Variants in PRR16 observed in about 807,000 individuals in gnomAD.
The protein encoded by PRR16 is proline rich 16.
A neutral mutation model predicts 18.2 loss-of-function variants in PRR16; 6 were observed. The ratio of observed to expected loss-of-function variants is 0.33; its 90% CI spans 0.18 to 0.65. The LOEUF is 0.65. Ranked by LOEUF, PRR16 falls within the 30% of genes least tolerant of loss-of-function variation. The pLI is 0.74. For missense variants in PRR16, 412 were observed against 376.6 expected, an observed-to-expected ratio of 1.09 and a Z score of -0.78; for synonymous variants, 151 against 147.8, an observed-to-expected ratio of 1.02 and a Z score of -0.16.
intron 1 of PRR16, among the ~76,000 whole-genome samples, chr5:120,530,588 A>C (rs965816614): frequency 6.6e-6 from 1 of 151,906 alleles, no homozygotes; most frequent in Non-Finnish European, 1.5e-5. Flanking sequence ...AATTAGATTA[A>C]GTGTGAGCGA....
intron 1 of PRR16, among the ~76,000 whole-genome samples, chr5:120,501,215 C>G (rs969538420): frequency 5.3e-5 from 8 of 152,144 alleles, no homozygotes; most frequent in African/African-American, 1.7e-4. Flanking sequence ...TTGGGCTTAA[C>G]TCTTTGTAGG....
intron 1 of PRR16, among the ~76,000 whole-genome samples, chr5:120,534,070 G>A (rs1393288592): frequency 6.6e-6 from 1 of 152,146 alleles, no homozygotes; most frequent in Non-Finnish European, 1.5e-5. Context: ...GTTTTAACGG[G>A]TGGAGATTGA....
rs561895781 is a variant in PRR16, at chr5:120,521,472, C to T, written c.159+56827C>T. On this transcript the variant is annotated intron_variant, in intron 1 of 1. Transcript: ENST00000407149. ...GATTAGAACTACAAATTACAGTCTG[C>T]TGATCTTTATGGGGCTCATTTTTTT... Among the ~76,000 whole-genome samples, 5 of 152,082 alleles carry T rather than the reference C, an allele frequency of 3.3e-5. No homozygotes were observed. In the East Asian group the frequency reaches 9.7e-4, roughly 29 times the overall value.
At chr5:120,694,021 C>T in the PRR16 span, among the ~76,000 whole-genome samples, 1 of 152,154 alleles carries the variant, frequency 6.6e-6, no homozygotes, top group African/African-American at 2.4e-5. Flanking sequence ...CTAACAATTT[C>T]GCCTGTATTC....
chr5:120,483,697 A>G (rs116644583), intron 1 of PRR16, among the ~76,000 whole-genome samples: 102 of 152,198 alleles, frequency 6.7e-4, no homozygotes, highest in Non-Finnish European at 1.2e-3. Flanking sequence ...AAATTCACAA[A>G]TATATCATCT....
intron 1 of PRR16, among the ~76,000 whole-genome samples, chr5:120,543,715 C>G (rs78794849): frequency 0.01 from 1,592 of 152,214 alleles, 31 homozygotes; most frequent in African/African-American, 0.037. Context: ...TATGCCTCAG[C>G]AATGATTTTA....
the PRR16 span, among the ~76,000 whole-genome samples, chr5:120,740,104 C>G: frequency 8.5e-4 from 130 of 152,228 alleles, no homozygotes; most frequent in African/African-American, 3.0e-3. Context: ...ATTATTACTT[C>G]TAAAATAATG....
the PRR16 span, among the ~76,000 whole-genome samples, chr5:120,734,341 G>C: frequency 1.5e-4 from 23 of 152,268 alleles, no homozygotes; most frequent in Admixed American, 1.0e-3. Context: ...CTCTCTCTGT[G>C]TGTGTGTGTA....
the PRR16 span, among the ~76,000 whole-genome samples, chr5:120,695,818 A>G: frequency 6.6e-6 from 1 of 152,112 alleles, no homozygotes; most frequent in Admixed American, 6.5e-5. Flanking sequence ...TCCTGGATTT[A>G]TGGCCCAGCC....
At chr5:120,481,288 G>T (rs935598323) in intron 1 of PRR16, 2 of 448,874 alleles carry the variant, frequency 4.5e-6, no homozygotes, top group Admixed American at 2.4e-5. Context: ...GCGCCACTAC[G>T]CCTGGGTAAG....
At chr5:120,635,848 A>G (rs905826467) in intron 1 of PRR16, among the ~76,000 whole-genome samples, 9 of 152,144 alleles carry the variant, frequency 5.9e-5, no homozygotes, top group East Asian at 1.9e-4. Context: ...TGCTGATGGT[A>G]TGACTGTATA....
intron 1 of PRR16, among the ~76,000 whole-genome samples, chr5:120,605,159 T>C (rs935998269): frequency 3.3e-5 from 5 of 152,200 alleles, no homozygotes; most frequent in Admixed American, 6.5e-5. Flanking sequence ...TTGCTTGCTG[T>C]TTCTCCATCT....
chr5:120,753,531 T>G, the PRR16 span, among the ~76,000 whole-genome samples: 1 of 151,740 alleles, frequency 6.6e-6, no homozygotes, highest in Non-Finnish European at 1.5e-5. Flanking sequence ...TGGTGAGTGA[T>G]CTATATCTGT....
intron 1 of PRR16, among the ~76,000 whole-genome samples, chr5:120,563,870 C>G (rs1243439390): frequency 2.0e-5 from 3 of 152,192 alleles, no homozygotes; most frequent in Admixed American, 6.5e-5. Context: ...TGGTTCAACC[C>G]TGAAGTTGGC....
At chr5:120,712,137 G>A in the PRR16 span, among the ~76,000 whole-genome samples, 2 of 152,060 alleles carry the variant, frequency 1.3e-5, no homozygotes, top group Admixed American at 6.5e-5. Flanking sequence ...TTTGGTATAC[G>A]TATACATAGT....
the PRR16 span, among the ~76,000 whole-genome samples, chr5:120,764,532 G>A: frequency 6.6e-6 from 1 of 151,734 alleles, no homozygotes. Flanking sequence ...GTGTGTTCCT[G>A]TCCTTTTCTG....
chr5:120,733,524 A>G, the PRR16 span, among the ~76,000 whole-genome samples: 1 of 152,106 alleles, frequency 6.6e-6, no homozygotes. Context: ...AAGTCCCCAA[A>G]TCCCTATTTG....
chr5:120,466,625 A>G (rs545239751), intron 1 of PRR16, among the ~76,000 whole-genome samples: 100 of 152,326 alleles, frequency 6.6e-4, no homozygotes, highest in African/African-American at 2.3e-3. Flanking sequence ...ATTGGTTAGA[A>G]TCACAAAAAT....
intron 1 of PRR16, among the ~76,000 whole-genome samples, chr5:120,504,481 G>A (rs1158981308): frequency 6.6e-6 from 1 of 151,704 alleles, no homozygotes; most frequent in Non-Finnish European, 1.5e-5. Context: ...CTACTGTCTT[G>A]AGACTGCCTG....
Sources: allele counts gnomAD v4.1 joint callset (sites outside exome capture counted in the v4.1 genomes callset), GRCh38; gene constraint gnomAD v4.1.1; transcripts MANE v1.5; gene names NCBI Gene and HGNC (gene_info 2026-07-23, HGNC 2026-07-21).